SCRN1: variants seen among roughly 807,000 people sequenced by gnomAD.
SCRN1 encodes secernin-1.
SCRN1 carries 19 observed loss-of-function variants against 43.3 expected under a neutral mutation model. That is an observed-to-expected ratio of 0.44 (90% CI 0.31 to 0.64). The LOEUF (loss-of-function observed/expected upper bound fraction) is 0.64. SCRN1 is among the 30% of genes least tolerant of loss of function. The pLI, the probability that SCRN1 is intolerant of heterozygous loss-of-function variation, is 0.09. For missense variants in SCRN1, 447 were observed against 524.1 expected, an observed-to-expected ratio of 0.85 and a Z score of 1.44; for synonymous variants, 183 against 188.9, an observed-to-expected ratio of 0.97 and a Z score of 0.26.
intron 1 of SCRN1, among the ~76,000 whole-genome samples, chr7:29,982,682 C>CAAAAAAAAAAA (rs10538004): frequency 1.5e-5 from 1 of 64,746 alleles, no homozygotes; most frequent in Non-Finnish European, 3.0e-5. Flanking sequence ...GACCCTGTCT[C>CAAAAAAAAAAA]AAAAAAAAAA....
chr7:29,943,479 G>A (rs1787625728), intron 4 of SCRN1, among the ~76,000 whole-genome samples: 1 of 152,136 alleles, frequency 6.6e-6, no homozygotes, highest in South Asian at 2.1e-4. Flanking sequence ...TAGAAACACT[G>A]TCTCACTGTG....
At chr7:29,954,749 C>T (rs987353252) in intron 3 of SCRN1, among the ~76,000 whole-genome samples, 5 of 152,176 alleles carry the variant, frequency 3.3e-5, no homozygotes, top group African/African-American at 1.2e-4. Flanking sequence ...GACATGATCT[C>T]GGCTCACTGC....
At chr7:29,933,102 A>G (rs1332846422) in intron 6 of SCRN1, among the ~76,000 whole-genome samples, 1 of 151,690 alleles carries the variant, frequency 6.6e-6, no homozygotes, top group African/African-American at 2.4e-5. Context: ...CTGGTCTGGA[A>G]CTCCTGACCT....
At chr7:29,957,707 A>T (rs1788178542) in intron 2 of SCRN1, among the ~76,000 whole-genome samples, 1 of 152,212 alleles carries the variant, frequency 6.6e-6, no homozygotes, top group South Asian at 2.1e-4. Context: ...GAGGAAACAC[A>T]TCCGCATGGT....
intron 6 of SCRN1, among the ~76,000 whole-genome samples, chr7:29,935,498 A>G (rs1340785282): frequency 6.6e-6 from 1 of 152,248 alleles, no homozygotes; most frequent in Non-Finnish European, 1.5e-5. Context: ...AACACCCAAA[A>G]AAACACCAGA....
chr7:29,954,601 A>G (rs1583673488), intron 3 of SCRN1, among the ~76,000 whole-genome samples: 1 of 152,184 alleles, frequency 6.6e-6, no homozygotes, highest in African/African-American at 2.4e-5. Flanking sequence ...GAATCACAAT[A>G]TGTGACCTTT....
At position 29,968,787 on chromosome 7, in the gene SCRN1, A is replaced by C. The variant is rs994836999; in HGVS notation, c.159+122T>G. The C allele has an allele frequency of 7.4e-6, 9 of 1,215,744 alleles. No homozygotes were observed. In the African/African-American group the frequency reaches 1.3e-4, roughly 18 times the overall value. 75.3% of individuals were successfully genotyped at this position (1,215,744 alleles called of 1,614,324 possible). A position where few individuals can be genotyped will look rare whatever the true frequency, so the allele number is the denominator to read the frequency against. On this transcript the variant is annotated intron_variant, in intron 2 of 7. Transcript: ENST00000242059. Reference sequence around the variant, plus strand: ...GCAAACCTGCATGGAAACAGGAATCAGCAGAACTGACATGATAGCTCTGAC... The same window carrying C: ...GCAAACCTGCATGGAAACAGGAATCCGCAGAACTGACATGATAGCTCTGAC...
At chr7:29,984,935 A>G (rs571997317) in intron 1 of SCRN1, among the ~76,000 whole-genome samples, 1 of 143,352 alleles carries the variant, frequency 7.0e-6, no homozygotes, top group Non-Finnish European at 1.5e-5. Flanking sequence ...AAAAAAAAAG[A>G]ATTACAAATT....
intron 3 of SCRN1, among the ~76,000 whole-genome samples, chr7:29,948,059 G>C (rs987349590): frequency 1.3e-5 from 2 of 152,214 alleles, no homozygotes; most frequent in African/African-American, 2.4e-5. Flanking sequence ...ACTAAGACGA[G>C]TGATAACACA....
In SCRN1 at chr7:29,944,033, T is replaced by A; in HGVS notation, c.488A>T (p.Asp163Val). 1.2e-6 allele frequency: 2 copies of A among 1,614,204 alleles called. No homozygotes were observed. Among genetic ancestry groups the A allele is most frequent in the Non-Finnish European group, 8.5e-7 (1 of 1,180,032 alleles). The change falls in exon 4 of 8, where the codon GAT becomes GTT. Residue 163 changes from aspartate to valine, a missense_variant. By Grantham distance (152) the Asp-to-Val change is radical. Coordinates refer to ENST00000242059, the MANE Select transcript of SCRN1 (RefSeq NM_014766.5). ...FQSAYLIVDR[D>V]EAWVLETIGK... is the part of the protein sequence containing the mutation. ...TATGGTCTCGAGCACCCAGGCTTCA[T>A]CACGATCCACAATCAGATATGCACT...
intron 2 of SCRN1, among the ~76,000 whole-genome samples, chr7:29,959,035 T>G (rs1408587910): frequency 6.6e-6 from 1 of 152,200 alleles, no homozygotes; most frequent in Non-Finnish European, 1.5e-5. Flanking sequence ...CATTATTTTG[T>G]GAGATTACGT....
intron 3 of SCRN1, among the ~76,000 whole-genome samples, chr7:29,948,457 T>C (rs1044211922): frequency 2.6e-5 from 4 of 152,250 alleles, no homozygotes; most frequent in African/African-American, 9.6e-5. Flanking sequence ...TCCTTTTAAA[T>C]CACCTGAGTC....
At chr7:29,949,928 G>A (rs1363918676) in intron 3 of SCRN1, among the ~76,000 whole-genome samples, 3 of 152,198 alleles carry the variant, frequency 2.0e-5, no homozygotes, top group Non-Finnish European at 2.9e-5. Context: ...CTCATGACTC[G>A]CCTCCTAAAG....
At chr7:29,985,505 C>A (rs1789121596) in intron 1 of SCRN1, among the ~76,000 whole-genome samples, 1 of 152,048 alleles carries the variant, frequency 6.6e-6, no homozygotes, top group Non-Finnish European at 1.5e-5. Flanking sequence ...AGAGCTAGGT[C>A]CCAGGTCCCC....
At chr7:29,986,362 T>C (rs1008346081) in intron 1 of SCRN1, among the ~76,000 whole-genome samples, 2 of 152,240 alleles carry the variant, frequency 1.3e-5, no homozygotes, top group African/African-American at 4.8e-5. Flanking sequence ...ATATCCAACA[T>C]GTTACTTCAA....
At chr7:29,966,597 A>G (rs1788507540) in intron 2 of SCRN1, among the ~76,000 whole-genome samples, 1 of 152,222 alleles carries the variant, frequency 6.6e-6, no homozygotes, top group Non-Finnish European at 1.5e-5. Context: ...TAACATGGAC[A>G]TTCACTCATT....
upstream of SCRN1, chr7:29,990,194 C>T (rs1177606407): frequency 1.9e-6 from 3 of 1,551,696 alleles, no homozygotes; most frequent in Non-Finnish European, 2.6e-6. Context: ...TGTTGACTCG[C>T]ACGTCCAAGT....
At chr7:29,948,654 T>C (rs530923735) in intron 3 of SCRN1, among the ~76,000 whole-genome samples, 133 of 152,328 alleles carry the variant, frequency 8.7e-4, no homozygotes, top group African/African-American at 3.0e-3. Flanking sequence ...CAAATGGGAC[T>C]AGCAAAAGTC....
chr7:29,944,578 G>A (rs1402225191), intron 3 of SCRN1, among the ~76,000 whole-genome samples: 9 of 149,004 alleles, frequency 6.0e-5, no homozygotes, highest in South Asian at 2.1e-4. Flanking sequence ...TGGTACGATC[G>A]CTTAAGCCAA....
Sources: allele counts gnomAD v4.1 joint callset (sites outside exome capture counted in the v4.1 genomes callset), GRCh38; gene constraint gnomAD v4.1.1; transcripts MANE v1.5; gene names NCBI Gene and HGNC (gene_info 2026-07-23, HGNC 2026-07-21).